ADCY5: variants seen among roughly 807,000 people sequenced by gnomAD.
The protein encoded by ADCY5 is adenylate cyclase 5.
In ADCY5, 30 loss-of-function variants were observed where a neutral mutation model predicts 119.7. That is an observed-to-expected ratio of 0.25 (90% CI 0.19 to 0.34). ADCY5 has a LOEUF of 0.34. Among genes scored for constraint, ADCY5 ranks in the 10% least tolerant of loss-of-function variants. The pLI is 1.00. For synonymous variants in ADCY5, 753 were observed against 762.2 expected (o/e 0.99, Z 0.20); for missense variants, 1,324 against 1,775.2 (o/e 0.75, Z 4.57).
In ADCY5 at chr3:123,327,654, G is replaced by A. The variant is rs748197515; in HGVS notation, c.1911C>T (p.Ile637=). 37 of 1,613,952 alleles carry A rather than the reference G, an allele frequency of 2.3e-5. 1 individual carries two copies. In the South Asian group the frequency reaches 2.5e-4, roughly 11 times the overall value. The change falls in exon 7 of 21, where the codon ATC becomes ATT. Residue 637 remains isoleucine (I), a synonymous_variant. Coordinates refer to ENST00000462833, the MANE Select transcript of ADCY5 (RefSeq NM_183357.3). ...ERNAYLKEHS[I]ETFLILRCTQ... ...TGCAGCGCAGGATGAGGAAGGTCTC[G>A]ATACTGTGCTCCTTGAGGTAGGCGT...
intron 7 of ADCY5, among the ~76,000 whole-genome samples, chr3:123,327,280 A>C (rs905595549): frequency 2.0e-5 from 3 of 152,228 alleles, no homozygotes; most frequent in African/African-American, 7.2e-5. Flanking sequence ...TGTCCACCCC[A>C]GTAAAAGGCA....
chr3:123,428,006 G>T (rs1945447243), intron 1 of ADCY5, among the ~76,000 whole-genome samples: 1 of 152,210 alleles, frequency 6.6e-6, no homozygotes, highest in African/African-American at 2.4e-5. Flanking sequence ...TGGGAGGCAT[G>T]CTAGGTTCAA....
chr3:123,336,607 G>A lies in ADCY5; in HGVS notation c.1407-3932C>T, dbSNP rs557633681. On this transcript the variant is annotated intron_variant, in intron 3 of 20. Transcript: ENST00000462833. ...GCAGAGTAACACACAGCACCAGGAA[G>A]AGCAGAGGAGGTGAGAAGAGGGAGG... 2.6e-5 allele frequency among the ~76,000 whole-genome samples: 4 copies of A among 152,290 alleles called. No homozygotes were observed. In the East Asian group the frequency reaches 7.7e-4, roughly 29 times the overall value.
In ADCY5 at chr3:123,447,643, G is replaced by A. The variant is rs1184237328; in HGVS notation, c.903C>T (p.Ala301=). ...AAFHQDHMGL[A]CYALIAVVLA... ...GCACCACGGCGATGAGCGCATAGCAGGCCAGGCCCATGTGGTCCTGGTGGA... is the reference window on the plus strand; with the variant it reads ...GCACCACGGCGATGAGCGCATAGCAAGCCAGGCCCATGTGGTCCTGGTGGA... The change falls in exon 1 of 21, where the codon GCC becomes GCT. Residue 301 remains alanine, a synonymous_variant. Transcript: ENST00000462833. The A allele has an allele frequency of 1.2e-6, 2 of 1,608,716 alleles. No homozygotes were observed. The highest frequency in any genetic ancestry group is 8.5e-7 in the Non-Finnish European group (1 of 1,178,094).
intron 10 of ADCY5, among the ~76,000 whole-genome samples, chr3:123,319,296 G>T (rs1472178669): frequency 6.8e-6 from 1 of 147,254 alleles, no homozygotes; most frequent in African/African-American, 2.5e-5. Context: ...GGAGGTTGCA[G>T]TGAGCCAAGA....
intron 1 of ADCY5, among the ~76,000 whole-genome samples, chr3:123,403,059 C>T (rs1257300896): frequency 6.6e-6 from 1 of 152,036 alleles, no homozygotes; most frequent in Non-Finnish European, 1.5e-5. Context: ...CTGTCCTCTG[C>T]ATCTTGCAAT....
chr3:123,355,755 T>C (rs1943017226), intron 1 of ADCY5, among the ~76,000 whole-genome samples: 1 of 152,106 alleles, frequency 6.6e-6, no homozygotes, highest in Non-Finnish European at 1.5e-5. Flanking sequence ...TGGAGAGATA[T>C]ACCATGTACA....
In ADCY5 at chr3:123,324,237, G is replaced by A. The variant is rs184623832; in HGVS notation, c.2088+1085C>T. 2.7e-3 allele frequency among the ~76,000 whole-genome samples: 418 copies of A among 152,236 alleles called. 1 individual carries two copies. Among genetic ancestry groups the A allele is most frequent in the African/African-American group, 9.7e-3 (401 of 41,534 alleles). ...AGCAGAGCGACTGGGTCCCCAGCATGTCCCCTTCTCCAGGCTCCTGGCTCT... is the reference window on the plus strand; with the variant it reads ...AGCAGAGCGACTGGGTCCCCAGCATATCCCCTTCTCCAGGCTCCTGGCTCT... On this transcript the variant is annotated intron_variant, in intron 8 of 20. Coordinates refer to ENST00000462833, the MANE Select transcript of ADCY5 (RefSeq NM_183357.3).
intron 3 of ADCY5, among the ~76,000 whole-genome samples, chr3:123,341,990 T>G (rs1286979573): frequency 6.6e-6 from 1 of 152,052 alleles, no homozygotes; most frequent in Non-Finnish European, 1.5e-5. Flanking sequence ...AGCAGCAAGA[T>G]CTTGGCTCGC....
rs61133064 is a variant in ADCY5, at chr3:123,398,195, C to T, written c.1135-45614G>A. 3.2e-3 allele frequency among the ~76,000 whole-genome samples: 481 copies of T among 152,280 alleles called. 4 individuals are homozygous for T. Among genetic ancestry groups the T allele is most frequent in the African/African-American group, 0.011 (460 of 41,548 alleles). On this transcript the variant is annotated intron_variant, in intron 1 of 20. Transcript: ENST00000462833. Reference sequence around the variant, plus strand: ...CCAGTACCTGGAGGTCAGGTCTCGCCAGCAATGAGGCCCCCACGTGATTTC... The same window carrying T: ...CCAGTACCTGGAGGTCAGGTCTCGCTAGCAATGAGGCCCCCACGTGATTTC...
At chr3:123,332,883 T>G in intron 3 of ADCY5, among the ~76,000 whole-genome samples, 1 of 151,744 alleles carries the variant, frequency 6.6e-6, no homozygotes, top group Non-Finnish European at 1.5e-5. Context: ...GCCTCCCAAG[T>G]AGCTGGGACT....
At chr3:123,347,945 C>T (rs1276976119) in intron 2 of ADCY5, 42 bp from the exon 3 acceptor site, 3 of 1,612,664 alleles carry the variant, frequency 1.9e-6, no homozygotes, top group Middle Eastern at 1.7e-4. Context: ...CGCCTTCTAC[C>T]TGCCTGGCAA....
chr3:123,350,490 G>A (rs767908988), intron 2 of ADCY5, among the ~76,000 whole-genome samples: 3 of 152,200 alleles, frequency 2.0e-5, no homozygotes, highest in Non-Finnish European at 4.4e-5. Context: ...GCTACAAACC[G>A]TTTGGCTTCA....
chr3:123,340,059 G>A (rs1576595381), intron 3 of ADCY5, among the ~76,000 whole-genome samples: 1 of 152,310 alleles, frequency 6.6e-6, no homozygotes, highest in Admixed American at 6.5e-5. Flanking sequence ...GGAGGCCAAG[G>A]CAGGAGGAAC....
chr3:123,329,402 C>A (rs751277450), intron 5 of ADCY5, among the ~76,000 whole-genome samples: 8 of 152,152 alleles, frequency 5.3e-5, no homozygotes, highest in Non-Finnish European at 1.2e-4. Context: ...GTCCCGGCCA[C>A]ATGCACCACA....
At position 123,300,580 on chromosome 3, in the gene ADCY5, T is replaced by G. The variant is rs571403298; in HGVS notation, c.2725-285A>C. Among the ~76,000 whole-genome samples, 210 of 152,338 alleles carry G rather than the reference T, an allele frequency of 1.4e-3. 1 individual carries two copies. Among genetic ancestry groups the G allele is most frequent in the Non-Finnish European group, 2.6e-3 (175 of 68,032 alleles). ...TTTCAGGCCTGATCCACACTGGGCT[T>G]TGTGTGCCTCGGGCTGCGTGCTCAG... On this transcript the variant is annotated intron_variant, in intron 14 of 20. Transcript: ENST00000462833.
At chr3:123,367,849 A>G in intron 1 of ADCY5, 1 of 1,522,450 alleles carries the variant, frequency 6.6e-7, no homozygotes, top group Non-Finnish European at 8.7e-7. Context: ...CAGAATCCAG[A>G]AGAAAAAAAA....
At chr3:123,445,503 C>A (rs1475330511) in intron 1 of ADCY5, among the ~76,000 whole-genome samples, 1 of 152,170 alleles carries the variant, frequency 6.6e-6, no homozygotes, top group Non-Finnish European at 1.5e-5. Flanking sequence ...CCTTCCTCTG[C>A]AGAAAAGCTA....
intron 20 of ADCY5, among the ~76,000 whole-genome samples, chr3:123,285,200 C>T (rs1482801703): frequency 2.6e-5 from 4 of 152,158 alleles, no homozygotes; most frequent in Non-Finnish European, 5.9e-5. Context: ...CACCACAGGT[C>T]GTTTGAGAGC....
Sources: gnomAD v4.1 joint callset for allele counts (sites outside exome capture counted in the v4.1 genomes callset) on GRCh38, gnomAD v4.1.1 for gene constraint, MANE v1.5 for transcripts, NCBI Gene and HGNC (gene_info 2026-07-23, HGNC 2026-07-21) for gene names.